Variants in CDC42BPB observed in about 807,000 individuals in gnomAD.
CDC42BPB encodes the protein CDC42 binding protein kinase beta.
CDC42BPB carries 37 observed loss-of-function variants against 214.9 expected under a neutral mutation model. That is an observed-to-expected ratio of 0.17 (90% CI 0.13 to 0.23). The LOEUF is 0.23. Among genes scored for constraint, CDC42BPB ranks in the 10% least tolerant of loss-of-function variants. CDC42BPB has a pLI of 1.00. For missense variants in CDC42BPB, 1,694 were observed against 2,227.0 expected, an observed-to-expected ratio of 0.76 and a Z score of 4.82; for synonymous variants, 931 against 884.0, an observed-to-expected ratio of 1.05 and a Z score of -0.94.
chr14:103,034,812 C>T (rs1458815013), intron 1 of CDC42BPB, among the ~76,000 whole-genome samples: 11 of 143,484 alleles, frequency 7.7e-5, no homozygotes, highest in Admixed American at 4.2e-4. Context: ...AGTGAGACTC[C>T]GTCTCCAAAA....
intron 17 of CDC42BPB, 22 bp from the exon 18 acceptor site, chr14:102,966,409 C>T (rs1893203762): frequency 1.9e-6 from 3 of 1,611,322 alleles, no homozygotes; most frequent in Non-Finnish European, 2.5e-6. Flanking sequence ...AACAGATGTT[C>T]TATCTCACGA....
intron 13 of CDC42BPB, among the ~76,000 whole-genome samples, chr14:102,971,138 C>T (rs35694767): frequency 0.041 from 6,203 of 152,170 alleles, 436 homozygotes; most frequent in African/African-American, 0.14. Flanking sequence ...TTATCCAGAA[C>T]GGTGTAGCAA....
chr14:102,934,530 T>C (rs1398701905), intron 36 of CDC42BPB, among the ~76,000 whole-genome samples: 4 of 151,316 alleles, frequency 2.6e-5, no homozygotes, highest in Admixed American at 2.0e-4. Flanking sequence ...CGAGACTCCG[T>C]CACAAAACAA....
chr14:102,987,991 G>A (rs7156234), intron 5 of CDC42BPB, among the ~76,000 whole-genome samples: 17,726 of 150,982 alleles, frequency 0.12, 1,905 homozygotes, highest in African/African-American at 0.29. Flanking sequence ...AAAAACACAC[G>A]TACACACACA....
chr14:103,004,233 C>T lies in CDC42BPB; in HGVS notation c.352-210G>A. The T allele has an allele frequency of 7.9e-7, 1 of 1,269,538 alleles. No homozygotes were observed. Among genetic ancestry groups the T allele is most frequent in the Non-Finnish European group, 1.0e-6 (1 of 993,234 alleles). 78.6% of individuals were successfully genotyped at this position (1,269,538 alleles called of 1,614,324 possible). ...AGCCCCGTGCAAGTGCCAAGGGCTG[C>T]TGAGGAGGCACTTGCACCCTGCTGT... On this transcript the variant is annotated intron_variant, in intron 3 of 36. Transcript: ENST00000361246. The surrounding 1 kb of genome is among the most constrained non-coding windows in gnomAD (Gnocchi z 5.3).
rs1595450440 is a variant in CDC42BPB, at chr14:102,944,436, G to A, written c.3863C>T (p.Pro1288Leu). ...GAGGAGGATTACGATCTTCTCCCTG[G>A]GAGCAAGCTCGATCTGGTGTACCTT... is the stretch of plus-strand genomic sequence containing the variant. ...CKKVHQIELA[P>L]REKIVILLCG... is the part of the protein sequence containing the mutation. The change falls in exon 30 of 37, where the codon CCC (proline) becomes CTC (leucine). Residue 1288 changes from proline (P) to leucine (L), a missense_variant. Coordinates refer to ENST00000361246, the MANE Select transcript of CDC42BPB (RefSeq NM_006035.4). The surrounding 1 kb of genome is among the most constrained non-coding windows in gnomAD (Gnocchi z 6.6). The A allele has an allele frequency of 2.5e-6, 4 of 1,612,940 alleles. No individual in the cohort carries two copies. The highest frequency in any genetic ancestry group is 8.5e-7 in the Non-Finnish European group (1 of 1,179,974).
intron 1 of CDC42BPB, among the ~76,000 whole-genome samples, chr14:103,053,176 C>T (rs879527543): frequency 7.9e-5 from 12 of 151,088 alleles, no homozygotes; most frequent in South Asian, 2.1e-4. Context: ...GGTGAAACCC[C>T]GTCTTTACTA....
chr14:102,965,482 A>T (rs1893159418), intron 18 of CDC42BPB, among the ~76,000 whole-genome samples: 1 of 152,116 alleles, frequency 6.6e-6, no homozygotes, highest in Admixed American at 6.6e-5. Flanking sequence ...CAGTTCACTA[A>T]CATCATCCTC....
chr14:102,974,230 G>A, intron 11 of CDC42BPB, 81 bp from the exon 12 acceptor site: 1 of 1,543,886 alleles, frequency 6.5e-7, no homozygotes, highest in Non-Finnish European at 8.7e-7. Flanking sequence ...CTTACTGACA[G>A]GAAATTATTT....
chr14:103,008,314 G>C (rs1399046196), intron 3 of CDC42BPB, among the ~76,000 whole-genome samples, 158 bp downstream of exon 3: 2 of 152,232 alleles, frequency 1.3e-5, no homozygotes, highest in Non-Finnish European at 2.9e-5. Flanking sequence ...GCGCCAGGGA[G>C]GAGACTGAGA....
At chr14:102,994,796 G>A (rs1488597939) in intron 5 of CDC42BPB, among the ~76,000 whole-genome samples, 2 of 152,120 alleles carry the variant, frequency 1.3e-5, no homozygotes. Flanking sequence ...GTCCCTCACC[G>A]TACCATTTCT....
At chr14:102,999,798 G>A (rs2139593764) in intron 4 of CDC42BPB, 85 bp from the exon 5 acceptor site, 2 of 1,553,260 alleles carry the variant, frequency 1.3e-6, no homozygotes, top group Non-Finnish European at 1.7e-6. Flanking sequence ...TCCATGGCGA[G>A]GTTCTCAGGC....
chr14:102,967,322 C>T (rs946723922), intron 16 of CDC42BPB, 152 bp from the exon 17 acceptor site: 1 of 1,412,690 alleles, frequency 7.1e-7, no homozygotes, highest in African/African-American at 1.4e-5. Flanking sequence ...GGATTTTTTT[C>T]ACTGTATCTA....
chr14:102,946,412 G>T, intron 28 of CDC42BPB, 56 bp downstream of exon 28: 1 of 1,583,332 alleles, frequency 6.3e-7, no homozygotes, highest in Non-Finnish European at 8.6e-7. Flanking sequence ...GCACTGCAGC[G>T]CCGCCGGAAG....
chr14:102,985,806 A>T (rs1894220440), intron 6 of CDC42BPB, among the ~76,000 whole-genome samples: 2 of 152,386 alleles, frequency 1.3e-5, no homozygotes, highest in South Asian at 4.1e-4. Flanking sequence ...CCACAGACGC[A>T]GTGAAAGCAG....
Position 102,983,578 on chromosome 14 carries a change from T to A in CDC42BPB, c.869A>T (p.Tyr290Phe), listed in dbSNP as rs768567118. Residue 290 changes from tyrosine to phenylalanine, a missense_variant, in exon 7 of 37, where the codon TAT (tyrosine) becomes TTT (phenylalanine). Tyr to Phe is a conservative substitution (Grantham distance 22). Around this residue, in one of 7 missense-constraint regions of CDC42BPB, gnomAD observed 225 missense variants for 459.3 expected, o/e 0.49. Transcript: ENST00000361246. The stretch of plus-strand genomic sequence containing the variant: ...TACTTCATGGTTCATGATCTTCCCA[T>A]AGGTCTCCACGAGTGACTCCGCATA... ...PFYAESLVET[Y>F]GKIMNHEERF... is the part of the protein sequence containing the mutation. 6.2e-7 allele frequency: 1 copy of A among 1,604,986 alleles called. No homozygotes were observed. The highest frequency in any genetic ancestry group is 1.1e-5 in the South Asian group (1 of 91,012).
chr14:103,024,105 C>T (rs977042258), intron 1 of CDC42BPB, among the ~76,000 whole-genome samples: 13 of 152,188 alleles, frequency 8.5e-5, no homozygotes, highest in African/African-American at 3.1e-4. Context: ...TATACAGAGA[C>T]GCTCTCCCAC....
chr14:103,046,123 G>A (rs938719984), intron 1 of CDC42BPB, among the ~76,000 whole-genome samples: 17 of 152,118 alleles, frequency 1.1e-4, no homozygotes, highest in East Asian at 3.9e-4. Flanking sequence ...AAGAGCATCC[G>A]CTTCAAGTCT....
chr14:102,939,219 A>G (rs370301171), intron 34 of CDC42BPB, among the ~76,000 whole-genome samples: 271 of 152,364 alleles, frequency 1.8e-3, no homozygotes, highest in African/African-American at 4.9e-3. Context: ...GATTACAGGC[A>G]TGAGCCACCA....
Sources: allele counts gnomAD v4.1 joint callset (sites outside exome capture counted in the v4.1 genomes callset), GRCh38; gene constraint gnomAD v4.1.1; regional missense constraint gnomAD v4.1.1; non-coding constraint Gnocchi (gnomAD v3.1); transcripts MANE v1.5; gene names NCBI Gene and HGNC (gene_info 2026-07-23, HGNC 2026-07-21).